Variants in ABTB3 observed in about 807,000 individuals in gnomAD.
The protein encoded by ABTB3 is ankyrin repeat and BTB domain containing 3.
chr12:107,353,785 A>G, the ABTB3 span, among the ~76,000 whole-genome samples: 2 of 152,134 alleles, frequency 1.3e-5, no homozygotes, highest in Non-Finnish European at 2.9e-5. Flanking sequence ...GGTGAACCCT[A>G]TTGTGAACTG....
At chr12:107,616,806 C>T in the ABTB3 span, among the ~76,000 whole-genome samples, 1 of 152,218 alleles carries the variant, frequency 6.6e-6, no homozygotes, top group Non-Finnish European at 1.5e-5. Context: ...AATGCAGACT[C>T]TCATTCAGTA....
the ABTB3 span, among the ~76,000 whole-genome samples, chr12:107,585,319 G>C: frequency 1.3e-5 from 2 of 152,202 alleles, no homozygotes; most frequent in Non-Finnish European, 2.9e-5. Flanking sequence ...ATTTTGAGCT[G>C]TTCCAGAATG....
the ABTB3 span, among the ~76,000 whole-genome samples, chr12:107,329,955 A>G: frequency 2.0e-5 from 3 of 151,148 alleles, no homozygotes; most frequent in Admixed American, 1.3e-4. Flanking sequence ...ACAGGCTATT[A>G]GAGTCTTTAC....
At chr12:107,452,759 C>T in the ABTB3 span, among the ~76,000 whole-genome samples, 13 of 152,008 alleles carry the variant, frequency 8.6e-5, no homozygotes, top group Admixed American at 2.0e-4. Context: ...GAGAATCATT[C>T]GAACCCGGGA....
chr12:107,363,776 C>G, the ABTB3 span, among the ~76,000 whole-genome samples: 1 of 152,082 alleles, frequency 6.6e-6, no homozygotes, highest in African/African-American at 2.4e-5. Flanking sequence ...CTAAGGTATA[C>G]TAAGAAATTG....
the ABTB3 span, among the ~76,000 whole-genome samples, chr12:107,369,392 G>GTTTT: frequency 2.9e-4 from 39 of 134,896 alleles, 1 homozygote; most frequent in African/African-American, 3.1e-4. Context: ...TCAAACAAGG[G>GTTTT]TTTTTTTTTT....
chr12:107,337,877 A>T, the ABTB3 span, among the ~76,000 whole-genome samples: 2 of 152,100 alleles, frequency 1.3e-5, no homozygotes, highest in East Asian at 3.8e-4. Context: ...AGATAAAGCA[A>T]CCACTTGTCT....
At chr12:107,495,374 C>G in the ABTB3 span, among the ~76,000 whole-genome samples, 1 of 152,208 alleles carries the variant, frequency 6.6e-6, no homozygotes, top group African/African-American at 2.4e-5. Flanking sequence ...GGGGCTTGGG[C>G]CAGATTGTCC....
At chr12:107,407,800 C>A in the ABTB3 span, among the ~76,000 whole-genome samples, 1 of 152,084 alleles carries the variant, frequency 6.6e-6, no homozygotes, top group Admixed American at 6.6e-5. Flanking sequence ...CTGGTGATGG[C>A]GGCGACTCAG....
the ABTB3 span, among the ~76,000 whole-genome samples, chr12:107,342,761 G>C: frequency 6.6e-6 from 1 of 152,022 alleles, no homozygotes; most frequent in Admixed American, 6.5e-5. Context: ...ACCTGGAATG[G>C]CTCCTCTCTT....
chr12:107,521,382 T>C, the ABTB3 span, among the ~76,000 whole-genome samples: 1 of 152,056 alleles, frequency 6.6e-6, no homozygotes, highest in Non-Finnish European at 1.5e-5. Context: ...ATCAGGCATT[T>C]GTGCATGGAA....
the ABTB3 span, among the ~76,000 whole-genome samples, chr12:107,528,462 T>C: frequency 6.6e-6 from 1 of 152,188 alleles, no homozygotes; most frequent in Non-Finnish European, 1.5e-5. Context: ...ATAATGATGG[T>C]GATTCCCAAA....
chr12:107,652,037 T>G, the ABTB3 span, among the ~76,000 whole-genome samples: 1 of 152,258 alleles, frequency 6.6e-6, no homozygotes, highest in Non-Finnish European at 1.5e-5. Flanking sequence ...TCTTAGACTC[T>G]CATGTGCATA....
At chr12:107,646,615 C>T in the ABTB3 span, among the ~76,000 whole-genome samples, 3 of 152,092 alleles carry the variant, frequency 2.0e-5, no homozygotes, top group South Asian at 2.1e-4. Flanking sequence ...ACCATCTCTG[C>T]GACAAGCAGA....
At chr12:107,361,713 G>A in the ABTB3 span, among the ~76,000 whole-genome samples, 1 of 152,144 alleles carries the variant, frequency 6.6e-6, no homozygotes, top group Non-Finnish European at 1.5e-5. Flanking sequence ...GGCAGGTCAG[G>A]GAGATAGAGA....
the ABTB3 span, among the ~76,000 whole-genome samples, chr12:107,331,011 G>C: frequency 5.3e-5 from 8 of 152,152 alleles, no homozygotes; most frequent in African/African-American, 1.9e-4. Context: ...TACAGTGCCT[G>C]CCTCTGAGGT....
the ABTB3 span, among the ~76,000 whole-genome samples, chr12:107,540,258 T>C: frequency 2.0e-5 from 3 of 152,138 alleles, no homozygotes; most frequent in Admixed American, 6.5e-5. Context: ...CATATCCTCA[T>C]ATGGCAGGAG....
chr12:107,473,931 C>T, the ABTB3 span, among the ~76,000 whole-genome samples: 3 of 151,736 alleles, frequency 2.0e-5, no homozygotes, highest in African/African-American at 7.3e-5. Flanking sequence ...TACAGGTGTG[C>T]ACCATCACAC....
At chr12:107,452,894 TA>T in the ABTB3 span, among the ~76,000 whole-genome samples, 11 of 152,038 alleles carry the variant, frequency 7.2e-5, no homozygotes, top group Non-Finnish European at 1.6e-4. Context: ...ACCACATCAC[TA>T]AAACAATTAC....
Sources: allele counts gnomAD v4.1 joint callset (sites outside exome capture counted in the v4.1 genomes callset), GRCh38; gene constraint gnomAD v4.1.1; transcripts MANE v1.5; gene names NCBI Gene and HGNC (gene_info 2026-07-23, HGNC 2026-07-21).